Variants in PROX1 observed in about 807,000 individuals in gnomAD.
PROX1 encodes prospero homeobox protein 1.
In PROX1, 7 loss-of-function variants were observed where a neutral mutation model predicts 58.8. The ratio of observed to expected loss-of-function variants is 0.12; its 90% CI spans 0.07 to 0.22. The LOEUF (loss-of-function observed/expected upper bound fraction) is 0.22. PROX1 is among the 10% of genes least tolerant of loss of function. PROX1 has a pLI of 1.00. For missense variants in PROX1, 675 were observed against 927.8 expected (o/e 0.73, Z 3.54); for synonymous variants, 350 against 358.3 (o/e 0.98, Z 0.26).
In PROX1 at chr1:214,005,184, C is replaced by T; in HGVS notation, c.1745C>T (p.Pro582Leu). ...TCCTACATGCAGGAAGGATTGTCAC[C>T]CAATCACTTGAAAAAAGCAAAGCTC... ...SGSAMQEGLS[P>L]NHLKKAKLMF... The change falls in exon 3 of 5, where the codon CCC becomes CTC. Residue 582 changes from proline (P) to leucine (L), a missense_variant. Pro to Leu is a moderately conservative substitution (Grantham distance 98). This residue lies in a region of PROX1 where 39 missense variants were observed against 73.4 expected (regional missense o/e 0.53). Coordinates refer to ENST00000366958, the MANE Select transcript of PROX1 (RefSeq NM_001270616.2). 1 of 1,613,798 alleles carries T rather than the reference C, an allele frequency of 6.2e-7. No homozygotes were observed. Among genetic ancestry groups the T allele is most frequent in the Non-Finnish European group, 8.5e-7 (1 of 1,179,762 alleles).
intron 2 of PROX1, 125 bp downstream of exon 2, chr1:213,998,385 T>C (rs1011409558): frequency 1.6e-5 from 19 of 1,176,388 alleles, no homozygotes; most frequent in Middle Eastern, 2.2e-4. Context: ...TTTCCCATTA[T>C]TCAAAGGAAT....
chr1:214,024,276 C>G (rs1023132105), intron 4 of PROX1, among the ~76,000 whole-genome samples: 2 of 152,194 alleles, frequency 1.3e-5, no homozygotes, highest in Admixed American at 6.5e-5. Context: ...ACAGCCCATC[C>G]TTAGTTTTGC....
At position 213,994,785 on chromosome 1, in the gene PROX1, AT is replaced by A. The variant is rs1558167595; in HGVS notation, c.-67-1683del. ...TATATATATATATATATATATATAT[AT>A]ATATATATATATATATAAAGAGGTA... On this transcript the variant is annotated intron_variant, in intron 1 of 4. Transcript: ENST00000366958. Among the ~76,000 whole-genome samples the A allele has an allele frequency of 5.5e-4, 57 of 104,356 alleles. 1 individual carries two copies. Among genetic ancestry groups the A allele is most frequent in the African/African-American group, 2.3e-3 (57 of 25,286 alleles). 68.5% of individuals were successfully genotyped at this position (104,356 alleles called of 152,430 possible).
rs745794343 is a variant in PROX1 at position 213,996,739 on chromosome 1, T to G, written c.204T>G (p.Asn68Lys). The change falls in exon 2 of 5, where the codon AAT becomes AAG. Residue 68 changes from asparagine to lysine, a missense_variant. By Grantham distance (94) the Asn-to-Lys change is moderately conservative. Transcript: ENST00000366958. ...AGCATGCAGATGGGGAAAAGTCAAA[T>G]GTACTCCGCAAGCTGCTGAAGAGGG... is the stretch of plus-strand genomic sequence containing the variant. ...VVQHADGEKS[N>K]VLRKLLKRAN... 8 of 1,614,038 alleles carry G rather than the reference T, an allele frequency of 5.0e-6. No individual in the cohort carries two copies. In the African/African-American group the frequency reaches 1.1e-4, roughly 22 times the overall value.
chr1:214,008,346 C>T (rs936324989), intron 3 of PROX1, among the ~76,000 whole-genome samples: 3 of 152,056 alleles, frequency 2.0e-5, no homozygotes, highest in South Asian at 2.1e-4. Context: ...TGAGCCACCG[C>T]GCTCAGCCCT....
chr1:214,005,323 T>C (rs764898390), intron 3 of PROX1, 51 bp downstream of exon 3: 8 of 1,376,864 alleles, frequency 5.8e-6, no homozygotes, highest in Non-Finnish European at 8.2e-6. Context: ...CATGTGGCAG[T>C]AATTTGAACT....
chr1:214,031,066 T>TGCGCGCGC (rs1227672820), intron 4 of PROX1, among the ~76,000 whole-genome samples: 1 of 95,070 alleles, frequency 1.1e-5, no homozygotes, highest in African/African-American at 3.2e-5. Context: ...TGTGTGTGTG[T>TGCGCGCGC]GCGCGCGCGC....
intron 1 of PROX1, among the ~76,000 whole-genome samples, chr1:213,995,833 T>C (rs1663242381): frequency 6.6e-6 from 1 of 152,204 alleles, no homozygotes; most frequent in Admixed American, 6.5e-5. Context: ...AAATGACTAT[T>C]GTGCATTTAT....
intron 1 of PROX1, among the ~76,000 whole-genome samples, chr1:213,992,866 C>T (rs545281034): frequency 1.3e-4 from 20 of 152,280 alleles, no homozygotes; most frequent in Middle Eastern, 3.4e-3. Flanking sequence ...TTATACTTCA[C>T]GCTGCAGTGT....
chr1:214,001,855 G>A (rs1320689185), intron 2 of PROX1, among the ~76,000 whole-genome samples: 1 of 150,668 alleles, frequency 6.6e-6, no homozygotes, highest in Non-Finnish European at 1.5e-5. Flanking sequence ...AAATTATAAA[G>A]TAAGTAAATT....
chr1:214,007,035 A>G (rs1030825637), intron 3 of PROX1, among the ~76,000 whole-genome samples: 12 of 152,156 alleles, frequency 7.9e-5, no homozygotes, highest in Non-Finnish European at 1.6e-4. Flanking sequence ...TATTAGAAAC[A>G]ATCATTTTTT....
chr1:213,995,058 T>C (rs1201427264), intron 1 of PROX1, among the ~76,000 whole-genome samples: 2 of 152,014 alleles, frequency 1.3e-5, no homozygotes, highest in Non-Finnish European at 2.9e-5. Context: ...CACGTAGATG[T>C]TTTTACAGGT....
chr1:214,028,745 G>A, intron 4 of PROX1: 1 of 152,324 alleles, frequency 6.6e-6, no homozygotes, highest in East Asian at 1.9e-4. Context: ...AGGATTCACT[G>A]TGTATAGCAT....
rs373179537 is a variant in PROX1 at position 214,031,318 on chromosome 1, G to T, written c.2029-4331G>T. ...TCAAGGCAAGACCATCTGGGGTGAC[G>T]TTCCTATATTGGGATGCCTTTTTAT... On this transcript the variant is annotated intron_variant, in intron 4 of 4. Coordinates refer to ENST00000366958, the MANE Select transcript of PROX1 (RefSeq NM_001270616.2). 3.3e-5 allele frequency among the ~76,000 whole-genome samples: 5 copies of T among 152,118 alleles called. No individual in the cohort carries two copies. The East Asian group carries it at 7.7e-4, about 24-fold the overall frequency.
At chr1:214,029,828 T>G (rs1664585569) in intron 4 of PROX1, 1 of 152,102 alleles carries the variant, frequency 6.6e-6, no homozygotes. Flanking sequence ...GGGGAGTTAT[T>G]TATTTATTTG....
At chr1:213,999,437 A>G (rs1207684896) in intron 2 of PROX1, among the ~76,000 whole-genome samples, 3 of 152,228 alleles carry the variant, frequency 2.0e-5, no homozygotes, top group Admixed American at 6.5e-5. Flanking sequence ...TTCATATCTA[A>G]GCCCACTCCA....
In PROX1 at chr1:213,996,965, T is replaced by C; in HGVS notation, c.430T>C (p.Phe144Leu). ...RDSPPECLSP[F>L]GRPTMSQFDM... is the part of the protein sequence containing the mutation. ...CAGCCCCCCAGAGTGTCTTTCCCCT[T>C]TTGGCAGGCCTACTATGAGCCAGTT... Residue 144 changes from phenylalanine (F) to leucine (L), a missense_variant, in exon 2 of 5, where the codon TTT becomes CTT. Coordinates refer to ENST00000366958, the MANE Select transcript of PROX1 (RefSeq NM_001270616.2). The C allele has an allele frequency of 6.2e-7, 1 of 1,614,004 alleles. No individual in the cohort carries two copies. Among genetic ancestry groups the C allele is most frequent in the Non-Finnish European group, 8.5e-7 (1 of 1,180,004 alleles).
At chr1:214,029,255 CT>C (rs1558187413) in intron 4 of PROX1, 1 of 152,238 alleles carries the variant, frequency 6.6e-6, no homozygotes, top group Admixed American at 6.5e-5. Flanking sequence ...TGCCCATTCT[CT>C]TTTTAACTTC....
upstream of PROX1, chr1:213,987,330 A>G (rs1259007290): frequency 6.6e-6 from 1 of 151,970 alleles, no homozygotes; most frequent in Non-Finnish European, 1.5e-5. Context: ...CTCCCCTTTA[A>G]AAGGAACCAA....
Sources: gnomAD v4.1 joint callset for allele counts (sites outside exome capture counted in the v4.1 genomes callset) on GRCh38, gnomAD v4.1.1 for gene constraint, gnomAD v4.1.1 regional missense constraint, MANE v1.5 for transcripts, NCBI Gene and HGNC (gene_info 2026-07-23, HGNC 2026-07-21) for gene names.